The following SYNDIG1L variants were observed in gnomAD, a reference collection of about 807,000 sequenced individuals.
SYNDIG1L encodes the protein synapse differentiation-inducing gene protein 1-like.
Under a neutral mutation model 20.1 loss-of-function variants are expected in SYNDIG1L, and 13 were observed. That is an observed-to-expected ratio of 0.65 (90% CI 0.42 to 1.03). The LOEUF is 1.03. Among genes scored for constraint, SYNDIG1L ranks in the 50% least tolerant of loss-of-function variants. The pLI is 0.00. For missense variants in SYNDIG1L, 294 were observed against 305.1 expected (o/e 0.96, Z 0.27); for synonymous variants, 128 against 129.3 (o/e 0.99, Z 0.07).
upstream of SYNDIG1L, among the ~76,000 whole-genome samples, chr14:74,427,358 T>C (rs1045091512): frequency 2.0e-5 from 3 of 152,120 alleles, no homozygotes; most frequent in African/African-American, 7.2e-5. Flanking sequence ...TCCACTAGCA[T>C]CCACTAGTCT....
At chr14:74,426,395 G>A (rs562469500), upstream of SYNDIG1L, among the ~76,000 whole-genome samples, 1 of 152,070 alleles carries the variant, frequency 6.6e-6, no homozygotes, top group East Asian at 2.0e-4. Flanking sequence ...AGCGAGGGGC[G>A]CGCAGCTGGA....
intron 1 of SYNDIG1L, among the ~76,000 whole-genome samples, chr14:74,424,390 C>T (rs1016553671): frequency 6.6e-6 from 1 of 152,084 alleles, no homozygotes; most frequent in African/African-American, 2.4e-5. Flanking sequence ...TCATTTTACA[C>T]CCGATTACCG....
the SYNDIG1L span, among the ~76,000 whole-genome samples, chr14:74,476,829 A>G: frequency 2.1e-4 from 32 of 152,150 alleles, no homozygotes; most frequent in African/African-American, 7.2e-4. Flanking sequence ...CAACACCCAG[A>G]CCATTTAGTT....
chr14:74,434,374 C>A, the SYNDIG1L span, among the ~76,000 whole-genome samples: 1 of 151,914 alleles, frequency 6.6e-6, no homozygotes, highest in African/African-American at 2.4e-5. Context: ...CTACCCCTGG[C>A]CTGCCTCGGT....
At chr14:74,409,222 G>A (rs2086110177) in intron 2 of SYNDIG1L, 106 bp downstream of exon 2, 3 of 830,458 alleles carry the variant, frequency 3.6e-6, no homozygotes, top group African/African-American at 1.7e-5. Flanking sequence ...GGGACCACAG[G>A]CACATGCCAC....
At chr14:74,458,511 A>G in the SYNDIG1L span, among the ~76,000 whole-genome samples, 3 of 151,276 alleles carry the variant, frequency 2.0e-5, no homozygotes, top group African/African-American at 7.3e-5. Context: ...AATCCCAGCT[A>G]CTCGGGAGGC....
chr14:74,476,201 G>A, the SYNDIG1L span: 1 of 564,962 alleles, frequency 1.8e-6, no homozygotes, highest in Non-Finnish European at 3.2e-6. Flanking sequence ...AGGGTGTAGT[G>A]GGCAGAGCAA....
intron 1 of SYNDIG1L, among the ~76,000 whole-genome samples, chr14:74,415,066 G>A (rs896201486): frequency 7.9e-5 from 12 of 152,112 alleles, no homozygotes; most frequent in Non-Finnish European, 1.8e-4. Flanking sequence ...CAGGGCTGGG[G>A]GTGAAAAATT....
upstream of SYNDIG1L, among the ~76,000 whole-genome samples, chr14:74,428,331 G>T (rs1006272445): frequency 6.6e-6 from 1 of 152,216 alleles, no homozygotes; most frequent in Non-Finnish European, 1.5e-5. Flanking sequence ...TACAGGGGTG[G>T]CTTAGGGACT....
the SYNDIG1L span, among the ~76,000 whole-genome samples, chr14:74,436,802 A>C: frequency 4.1e-5 from 6 of 147,808 alleles, no homozygotes; most frequent in South Asian, 8.5e-4. Flanking sequence ...GTGAGCCAAG[A>C]TCATGCCATT....
At chr14:74,446,520 T>C in the SYNDIG1L span, among the ~76,000 whole-genome samples, 36 of 152,248 alleles carry the variant, frequency 2.4e-4, no homozygotes, top group African/African-American at 8.4e-4. Flanking sequence ...AATCCACACG[T>C]TGTTTATTGC....
At chr14:74,454,770 C>G in the SYNDIG1L span, among the ~76,000 whole-genome samples, 1 of 152,232 alleles carries the variant, frequency 6.6e-6, no homozygotes, top group African/African-American at 2.4e-5. Context: ...CCATCCGACC[C>G]TTCAGAAGGC....
the SYNDIG1L span, among the ~76,000 whole-genome samples, chr14:74,442,648 T>C: frequency 6.6e-6 from 1 of 152,156 alleles, no homozygotes; most frequent in Non-Finnish European, 1.5e-5. Flanking sequence ...TAGCTAACAA[T>C]AGATTTTGGG....
the SYNDIG1L span, chr14:74,476,440 C>T: frequency 2.1e-5 from 24 of 1,167,578 alleles, no homozygotes; most frequent in East Asian, 2.3e-4. Context: ...AGAAGGGAGC[C>T]GTCCTTCTCC....
At chr14:74,408,940 C>T (rs1201525236) in intron 2 of SYNDIG1L, among the ~76,000 whole-genome samples, 1 of 152,100 alleles carries the variant, frequency 6.6e-6, no homozygotes, top group African/African-American at 2.4e-5. Context: ...AAAGCATCGG[C>T]TGTACATGTG....
the SYNDIG1L span, among the ~76,000 whole-genome samples, chr14:74,470,503 C>T: frequency 3.9e-5 from 6 of 152,124 alleles, no homozygotes; most frequent in South Asian, 2.1e-4. Flanking sequence ...GAAATGAAGG[C>T]GGTAGGCATA....
chr14:74,463,445 C>A, the SYNDIG1L span, among the ~76,000 whole-genome samples: 12 of 152,246 alleles, frequency 7.9e-5, no homozygotes, highest in Middle Eastern at 3.4e-3. Flanking sequence ...TGTCTTCTGC[C>A]ACTCCTGCAC....
chr14:74,460,497 C>T, the SYNDIG1L span, among the ~76,000 whole-genome samples: 43 of 152,232 alleles, frequency 2.8e-4, no homozygotes. Flanking sequence ...CGGGCTACAA[C>T]CCCACGCACT....
chr14:74,472,509 A>C, the SYNDIG1L span: 1 of 152,280 alleles, frequency 6.6e-6, no homozygotes, highest in Non-Finnish European at 1.5e-5. Context: ...GTGGGAATAC[A>C]GTGATGAGCA....
Sources: allele counts gnomAD v4.1 joint callset (sites outside exome capture counted in the v4.1 genomes callset), GRCh38; gene constraint gnomAD v4.1.1; transcripts MANE v1.5; gene names NCBI Gene and HGNC (gene_info 2026-07-23, HGNC 2026-07-21).